The following RBMS3 variants were observed in gnomAD, a reference collection of about 807,000 sequenced individuals.
The protein encoded by RBMS3 is RNA-binding motif, single-stranded-interacting protein 3.
A neutral mutation model predicts 66.8 loss-of-function variants in RBMS3; 27 were observed. That is an observed-to-expected ratio of 0.40 (90% CI 0.30 to 0.56). RBMS3 has a LOEUF of 0.56. Ranked by LOEUF, RBMS3 falls within the 20% of genes least tolerant of loss-of-function variation. The pLI is 0.40. For synonymous variants in RBMS3, 188 were observed against 183.0 expected (o/e 1.03, Z -0.22); for missense variants, 513 against 549.5 (o/e 0.93, Z 0.66).
intron 3 of RBMS3, among the ~76,000 whole-genome samples, chr3:29,580,895 T>A (rs1559485301): frequency 6.6e-6 from 1 of 152,182 alleles, no homozygotes; most frequent in Non-Finnish European, 1.5e-5. Context: ...GTTACCCATG[T>A]TATTTTACTC....
At chr3:29,756,962 T>C (rs967944161) in intron 5 of RBMS3, among the ~76,000 whole-genome samples, 4 of 152,154 alleles carry the variant, frequency 2.6e-5, no homozygotes, top group African/African-American at 9.7e-5. Flanking sequence ...TTAGGGATTT[T>C]TATATAGGTT....
At chr3:29,666,661 ATTAAG>A (rs2050772891) in intron 4 of RBMS3, among the ~76,000 whole-genome samples, 1 of 152,136 alleles carries the variant, frequency 6.6e-6, no homozygotes, top group South Asian at 2.1e-4. Flanking sequence ...AAACCATTCT[ATTAAG>A]TTAATATTAA....
At chr3:29,823,207 G>T (rs2058117264) in intron 6 of RBMS3, among the ~76,000 whole-genome samples, 2 of 151,954 alleles carry the variant, frequency 1.3e-5, no homozygotes, top group Non-Finnish European at 2.9e-5. Flanking sequence ...CCCACCCAAT[G>T]ACCTCTTCAT....
At chr3:29,456,918 T>A (rs923906002) in intron 2 of RBMS3, among the ~76,000 whole-genome samples, 1 of 152,174 alleles carries the variant, frequency 6.6e-6, no homozygotes, top group Non-Finnish European at 1.5e-5. Flanking sequence ...AGTACTGTGA[T>A]AAAGATTGAA....
chr3:29,852,706 T>C (rs2058967165), intron 6 of RBMS3, among the ~76,000 whole-genome samples: 1 of 152,138 alleles, frequency 6.6e-6, no homozygotes, highest in African/African-American at 2.4e-5. Flanking sequence ...CATAAACTGT[T>C]GGTAGGAGTG....
chr3:29,500,742 C>T (rs1459834320), intron 3 of RBMS3, among the ~76,000 whole-genome samples: 1 of 151,872 alleles, frequency 6.6e-6, no homozygotes, highest in Non-Finnish European at 1.5e-5. Flanking sequence ...GGTGTTTGCA[C>T]AATAATGAAA....
chr3:29,618,132 G>C (rs1280018745), intron 4 of RBMS3, among the ~76,000 whole-genome samples: 5 of 152,116 alleles, frequency 3.3e-5, no homozygotes, highest in African/African-American at 1.2e-4. Flanking sequence ...GACTACCTCA[G>C]AACATTTATC....
chr3:29,497,349 C>T (rs1576014012), intron 3 of RBMS3, among the ~76,000 whole-genome samples: 1 of 152,252 alleles, frequency 6.6e-6, no homozygotes, highest in East Asian at 1.9e-4. Flanking sequence ...GAATATAAAA[C>T]AGCTTAAAAA....
chr3:29,440,130 G>T (rs1438575522), intron 2 of RBMS3, among the ~76,000 whole-genome samples: 5 of 152,024 alleles, frequency 3.3e-5, no homozygotes, highest in Admixed American at 6.6e-5. Flanking sequence ...ATATGCCCTG[G>T]AAACACATTT....
chr3:29,751,922 G>A (rs950239493), intron 5 of RBMS3, among the ~76,000 whole-genome samples: 1 of 152,146 alleles, frequency 6.6e-6, no homozygotes, highest in Non-Finnish European at 1.5e-5. Flanking sequence ...GGTTGCCTAC[G>A]ACCCCTGGAG....
intron 1 of RBMS3, among the ~76,000 whole-genome samples, chr3:29,287,101 C>T (rs141438223): frequency 5.1e-4 from 77 of 152,098 alleles, no homozygotes; most frequent in South Asian, 4.6e-3. Flanking sequence ...TGGTGTAATA[C>T]GTGTGTTGAG....
chr3:29,768,788 G>T (rs115507140), intron 6 of RBMS3, among the ~76,000 whole-genome samples: 1 of 151,888 alleles, frequency 6.6e-6, no homozygotes, highest in Non-Finnish European at 1.5e-5. Flanking sequence ...TCCTTGAGAG[G>T]TTATCTACAG....
At chr3:29,506,109 A>G (rs945237855) in intron 3 of RBMS3, among the ~76,000 whole-genome samples, 1 of 151,870 alleles carries the variant, frequency 6.6e-6, no homozygotes, top group Non-Finnish European at 1.5e-5. Context: ...GACGTCCAGT[A>G]ATATGTTCAA....
chr3:29,336,336 A>G (rs1405068980), intron 1 of RBMS3, among the ~76,000 whole-genome samples: 1 of 152,090 alleles, frequency 6.6e-6, no homozygotes. Context: ...TTTTTTTGCA[A>G]GGCACAATTC....
intron 4 of RBMS3, among the ~76,000 whole-genome samples, chr3:29,607,737 G>T (rs2048360747): frequency 6.6e-6 from 1 of 151,702 alleles, no homozygotes; most frequent in Non-Finnish European, 1.5e-5. Flanking sequence ...TTGCTCTGTT[G>T]TAAGTTTCAT....
chr3:29,637,911 AGT>A (rs983596329), intron 4 of RBMS3, among the ~76,000 whole-genome samples: 1 of 151,954 alleles, frequency 6.6e-6, no homozygotes, highest in African/African-American at 2.4e-5. Context: ...CACTGGTAGT[AGT>A]TAGATGCCAC....
At chr3:29,363,074 G>C (rs6784537) in intron 1 of RBMS3, among the ~76,000 whole-genome samples, 131,806 of 152,178 alleles carry the variant, frequency 0.87, 57,440 homozygotes, top group African/African-American at 0.96. Flanking sequence ...ACAATGGCTT[G>C]AGTGTCTGCT....
chr3:29,468,388 G>C (rs934385311), intron 2 of RBMS3, among the ~76,000 whole-genome samples: 1 of 152,054 alleles, frequency 6.6e-6, no homozygotes, highest in African/African-American at 2.4e-5. Context: ...CTCCAGAAAG[G>C]CTCAGCTTTA....
rs753845754 is a variant in RBMS3, at chr3:29,668,622, C to T, written c.400-71098C>T. On this transcript the variant is annotated intron_variant, in intron 4 of 14. Coordinates refer to ENST00000383767, the MANE Select transcript of RBMS3 (RefSeq NM_001003793.3). ...TGGAAAAGTGTTGTTTGCAGGGTCT[C>T]GGCCCATGGAATACAAAATAATGCA... 7.2e-5 allele frequency among the ~76,000 whole-genome samples: 11 copies of T among 152,148 alleles called. 1 individual carries two copies. Among genetic ancestry groups the T allele is most frequent in the African/African-American group, 2.4e-4 (10 of 41,496 alleles).
Sources: gnomAD v4.1 joint callset for allele counts (sites outside exome capture counted in the v4.1 genomes callset) on GRCh38, gnomAD v4.1.1 for gene constraint, MANE v1.5 for transcripts, NCBI Gene and HGNC (gene_info 2026-07-23, HGNC 2026-07-21) for gene names.